The following DST variants were observed in gnomAD, a reference collection of about 807,000 sequenced individuals.
The protein encoded by DST is dystonin.
Under a neutral mutation model 875.2 loss-of-function variants are expected in DST, and 253 were observed. The observed-to-expected ratio is 0.29, with a 90% confidence interval of 0.26 to 0.32. The LOEUF (loss-of-function observed/expected upper bound fraction) is 0.32. DST is among the 10% of genes least tolerant of loss of function. DST has a pLI of 1.00. For missense variants in DST, 8,287 were observed against 9,111.6 expected (o/e 0.91, Z 3.68); for synonymous variants, 3,124 against 3,197.1 (o/e 0.98, Z 0.77).
rs2098510060 is a variant in DST, at chr6:56,607,614, C to T, written c.7014G>A (p.Val2338=). The T allele has an allele frequency of 1.9e-6, 3 of 1,613,236 alleles. No individual in the cohort carries two copies. The highest frequency in any genetic ancestry group is 1.3e-5 in the African/African-American group (1 of 75,018). ...AATATGATATGAGACTGGGAACACA[C>T]ACACTGGGTGAACTGTTAACTTTAG... ...IDPKVNSSPS[V]CVPSLISYLT... The change falls in exon 40 of 104, where the codon GTG becomes GTA. Residue 2338 remains valine, a synonymous_variant. Transcript: ENST00000680361.
At chr6:56,521,186 T>A (rs1262527616) in intron 69 of DST, among the ~76,000 whole-genome samples, 1 of 152,098 alleles carries the variant, frequency 6.6e-6, no homozygotes, top group African/African-American at 2.4e-5. Context: ...GGATTCTTAC[T>A]TTTCAAGGCA....
intron 3 of DST, among the ~76,000 whole-genome samples, chr6:56,869,085 A>T (rs1378474467): frequency 3.3e-5 from 5 of 152,200 alleles, no homozygotes; most frequent in Non-Finnish European, 5.9e-5. Flanking sequence ...CAGATTTTTT[A>T]AAAAACTTTT....
intron 36 of DST, among the ~76,000 whole-genome samples, chr6:56,617,632 T>C (rs1273716567): frequency 6.6e-6 from 1 of 152,178 alleles, no homozygotes; most frequent in Non-Finnish European, 1.5e-5. Flanking sequence ...TAAAATTATA[T>C]CTTTAAAAAA....
At chr6:56,878,968 C>G (rs1184043774) in intron 3 of DST, among the ~76,000 whole-genome samples, 1 of 152,100 alleles carries the variant, frequency 6.6e-6, no homozygotes, top group Non-Finnish European at 1.5e-5. Context: ...TAAGAATCAC[C>G]AGTAAAGTTG....
At chr6:56,747,177 C>G (rs535072338) in intron 4 of DST, among the ~76,000 whole-genome samples, 1 of 152,294 alleles carries the variant, frequency 6.6e-6, no homozygotes, top group South Asian at 2.1e-4. Flanking sequence ...GTTTTGTCAG[C>G]ATTTGTCATG....
rs2095444150 is a variant in DST, at chr6:56,482,887, C to T, written c.21208-10G>A. 1 of 1,472,332 alleles carries T rather than the reference C, an allele frequency of 6.8e-7. No homozygotes were observed. The highest frequency in any genetic ancestry group is 2.4e-5 in the East Asian group (1 of 41,778). The allele number at this position is 1,472,332 out of a possible 1,614,324, so 91.2% of individuals were successfully genotyped here. A position where few individuals can be genotyped will look rare whatever the true frequency, so the allele number is the denominator to read the frequency against. The stretch of plus-strand genomic sequence containing the variant: ...ACTCTTTTTGGAAGGCCTAAGAAGA[C>T]CATATTTTGAAAAATTAATTTTAAT... On this transcript the variant is annotated splice_polypyrimidine_tract_variant and intron_variant, in intron 88 of 103. Coordinates refer to ENST00000680361, the MANE Select transcript of DST (RefSeq NM_001374736.1).
At chr6:56,524,974 T>G (rs1252266052) in intron 69 of DST, among the ~76,000 whole-genome samples, 1 of 152,120 alleles carries the variant, frequency 6.6e-6, no homozygotes, top group Admixed American at 6.6e-5. Context: ...TACACTGACT[T>G]ACTTTCCCCC....
At chr6:56,715,660 G>C (rs545220954) in intron 5 of DST, among the ~76,000 whole-genome samples, 21 of 152,282 alleles carry the variant, frequency 1.4e-4, no homozygotes, top group Admixed American at 3.3e-4. Flanking sequence ...AAAGAGAAGA[G>C]ATTAAAAGTC....
intron 57 of DST, 113 bp downstream of exon 57, chr6:56,561,195 A>G (rs1339808460): frequency 4.3e-6 from 5 of 1,172,054 alleles, no homozygotes; most frequent in Non-Finnish European, 5.8e-6. Context: ...TATGTGCTAA[A>G]GGTTACAGAG....
At chr6:56,784,742 A>C (rs866457919) in intron 4 of DST, among the ~76,000 whole-genome samples, 2 of 152,224 alleles carry the variant, frequency 1.3e-5, no homozygotes, top group African/African-American at 2.4e-5. Flanking sequence ...GTCATTCTCC[A>C]TCCAGCTTTG....
chr6:56,859,665 C>G (rs1239858392), intron 3 of DST, among the ~76,000 whole-genome samples: 1 of 152,052 alleles, frequency 6.6e-6, no homozygotes, highest in Non-Finnish European at 1.5e-5. Flanking sequence ...TTGTTTATGT[C>G]AGTTAATTAA....
At chr6:56,527,365 G>A (rs2096821936) in intron 68 of DST, 128 bp downstream of exon 68, 1 of 1,175,584 alleles carries the variant, frequency 8.5e-7, no homozygotes. Context: ...AATTTCTATT[G>A]GGTCTCCACC....
chr6:56,912,599 C>A (rs1436392377), intron 2 of DST, among the ~76,000 whole-genome samples: 2 of 152,184 alleles, frequency 1.3e-5, no homozygotes, highest in Non-Finnish European at 2.9e-5. Context: ...AACACCAAAA[C>A]CTCAGGAGCT....
rs760629490 is a variant in DST at position 56,604,859 on chromosome 6, C to T, written c.9769G>A (p.Gly3257Arg). ...GGTGTGAACTGAGAAATTTCTGTTC[C>T]TCCTCCTGAGATGCTTTCTTTACTA... ...LCSKESISGG[G>R]TEISQFTPES... The change falls in exon 40 of 104, where the codon GGA becomes AGA. Residue 3257 changes from glycine (G) to arginine (R), a missense_variant. Physicochemically the swap from Gly to Arg is moderately radical, Grantham distance 125. Transcript: ENST00000680361. 1.2e-6 allele frequency: 2 copies of T among 1,612,568 alleles called. No individual in the cohort carries two copies. Among genetic ancestry groups the T allele is most frequent in the South Asian group, 2.2e-5 (2 of 91,034 alleles).
At chr6:56,868,599 T>C (rs571036921) in intron 3 of DST, among the ~76,000 whole-genome samples, 59 of 152,352 alleles carry the variant, frequency 3.9e-4, no homozygotes, top group African/African-American at 1.3e-3. Flanking sequence ...ACAACATTTT[T>C]TTAGAATGTT....
Position 56,632,934 on chromosome 6 carries a change from C to A in DST, c.3725G>T (p.Gly1242Val), listed in dbSNP as rs572722535. ...CTTTTCCAGTTGTGTTATATCTGAGCCTGAAAAGACTTGGGATTCCTGGCT... is the reference window on the plus strand; with the variant it reads ...CTTTTCCAGTTGTGTTATATCTGAGACTGAAAAGACTTGGGATTCCTGGCT... ...EDSQESQVFSGSDITQLEKEV... is the reference protein window; with the variant it reads ...EDSQESQVFSVSDITQLEKEV... Residue 1242 changes from glycine to valine, a missense_variant, in exon 28 of 104, where the codon GGC becomes GTC. By Grantham distance (109) the Gly-to-Val change is moderately radical. Coordinates refer to ENST00000680361, the MANE Select transcript of DST (RefSeq NM_001374736.1). 3.1e-6 allele frequency: 5 copies of A among 1,613,922 alleles called. No homozygotes were observed. In the Admixed American group the frequency reaches 5.0e-5, roughly 16 times the overall value.
At chr6:56,900,650 C>T (rs984375328) in intron 2 of DST, 29 bp from the exon 3 acceptor site, 1 of 1,360,092 alleles carries the variant, frequency 7.4e-7, no homozygotes, top group African/African-American at 1.5e-5. Flanking sequence ...CCAAGCAAAT[C>T]CAGATTTGTA....
chr6:56,752,815 G>C (rs1411004720), intron 4 of DST, among the ~76,000 whole-genome samples: 1 of 151,816 alleles, frequency 6.6e-6, no homozygotes, highest in Non-Finnish European at 1.5e-5. Context: ...TTTTGAGACG[G>C]AGTTTTGCTC....
intron 4 of DST, among the ~76,000 whole-genome samples, chr6:56,812,463 G>A (rs1174885247): frequency 6.6e-6 from 1 of 152,112 alleles, no homozygotes; most frequent in Non-Finnish European, 1.5e-5. Flanking sequence ...AACATAAACT[G>A]TATTCTATAG....
Sources: allele counts gnomAD v4.1 joint callset (sites outside exome capture counted in the v4.1 genomes callset), GRCh38; gene constraint gnomAD v4.1.1; transcripts MANE v1.5; gene names NCBI Gene and HGNC (gene_info 2026-07-23, HGNC 2026-07-21).